The following MEGF11 variants were observed in gnomAD, a reference collection of about 807,000 sequenced individuals.
The protein encoded by MEGF11 is multiple epidermal growth factor-like domains protein 11.
Under a neutral mutation model 146.6 loss-of-function variants are expected in MEGF11, and 126 were observed. That is an observed-to-expected ratio of 0.86 (90% CI 0.74 to 1.00). The LOEUF (loss-of-function observed/expected upper bound fraction) is 1.00. Ranked by LOEUF, MEGF11 falls within the 50% of genes least tolerant of loss-of-function variation. The pLI is 0.00. For synonymous variants in MEGF11, 532 were observed against 583.4 expected (o/e 0.91, Z 1.27); for missense variants, 1,509 against 1,521.2 (o/e 0.99, Z 0.13).
At chr15:65,939,492 CT>C (rs869271515) in intron 10 of MEGF11, among the ~76,000 whole-genome samples, 12,963 of 134,944 alleles carry the variant, frequency 0.096, 388 homozygotes, top group Non-Finnish European at 0.12. Flanking sequence ...CAGCTCCCAA[CT>C]TTTTTTTTTT....
intron 10 of MEGF11, among the ~76,000 whole-genome samples, chr15:65,933,458 A>G (rs1305582750): frequency 6.6e-6 from 1 of 152,210 alleles, no homozygotes; most frequent in Non-Finnish European, 1.5e-5. Context: ...GATGGGGCTC[A>G]GAGAGGCCTC....
At chr15:66,183,576 AAAAG>A (rs1180219762) in intron 1 of MEGF11, among the ~76,000 whole-genome samples, 1 of 152,044 alleles carries the variant, frequency 6.6e-6, no homozygotes, top group African/African-American at 2.4e-5. Context: ...GCCACGAAGC[AAAAG>A]AAAGGCCAAA....
At chr15:65,910,727 T>TA (rs1403904498) in intron 21 of MEGF11, among the ~76,000 whole-genome samples, 5 of 152,190 alleles carry the variant, frequency 3.3e-5, no homozygotes, top group Admixed American at 6.5e-5. Context: ...ACCAGGTCTG[T>TA]AGGCTGATGG....
At chr15:66,197,754 G>A (rs1424380389) in intron 1 of MEGF11, among the ~76,000 whole-genome samples, 1 of 152,082 alleles carries the variant, frequency 6.6e-6, no homozygotes, top group East Asian at 1.9e-4. Flanking sequence ...CATCTATACC[G>A]CCTCCAAAAT....
Position 65,970,577 on chromosome 15 carries a change from C to T in MEGF11, c.875G>A (p.Cys292Tyr). The change falls in exon 8 of 26, where the codon TGT becomes TAT. Residue 292 changes from cysteine (C) to tyrosine (Y), a missense_variant. Cys to Tyr is a radical substitution (Grantham distance 194). Coordinates refer to ENST00000395614, the MANE Select transcript of MEGF11 (RefSeq NM_001385028.1). The part of the protein sequence containing the change: ...QCDHVTGQCH[C>Y]TAGYMGDRCQ... Reference sequence around the variant, plus strand: ...CCTGTCCCCCATGTATCCAGCTGTACAGTGGCACTGTCCAGTCACGTGGTC... The same window carrying T: ...CCTGTCCCCCATGTATCCAGCTGTATAGTGGCACTGTCCAGTCACGTGGTC... 1 of 1,614,024 alleles carries T rather than the reference C, an allele frequency of 6.2e-7. No individual in the cohort carries two copies. The highest frequency in any genetic ancestry group is 2.2e-5 in the East Asian group (1 of 44,884).
chr15:65,978,986 A>G (rs2081544219), intron 7 of MEGF11, among the ~76,000 whole-genome samples: 1 of 151,782 alleles, frequency 6.6e-6, no homozygotes, highest in Non-Finnish European at 1.5e-5. Context: ...TTTTTATGTG[A>G]AATCTTACCT....
intron 1 of MEGF11, among the ~76,000 whole-genome samples, chr15:66,213,254 G>T (rs1002856809): frequency 2.0e-5 from 3 of 152,108 alleles, no homozygotes; most frequent in Non-Finnish European, 4.4e-5. Context: ...AAGCTGAAAA[G>T]GATGCCAGAG....
At chr15:65,987,923 A>C (rs187295545) in intron 5 of MEGF11, among the ~76,000 whole-genome samples, 3 of 149,682 alleles carry the variant, frequency 2.0e-5, no homozygotes, top group African/African-American at 7.4e-5. Context: ...GTTAGCCAGG[A>C]TGGTTTCGAT....
chr15:66,187,428 G>A (rs967627376), intron 1 of MEGF11, among the ~76,000 whole-genome samples: 2 of 152,214 alleles, frequency 1.3e-5, no homozygotes, highest in Non-Finnish European at 2.9e-5. Flanking sequence ...CAGTGGCTGA[G>A]CCCAGGCCTG....
In MEGF11 at chr15:65,931,707, A is replaced by G. The variant is rs747071471; in HGVS notation, c.1288-764T>C. Among the ~76,000 whole-genome samples the G allele has an allele frequency of 2.1e-4, 32 of 152,224 alleles. 1 individual carries two copies. The highest frequency in any genetic ancestry group is 2.2e-4 in the Non-Finnish European group (15 of 68,038). ...TGTCTCCCAATCTTATTTCTCACCC[A>G]TAACCCCATGACACGAGTAGTAATA... On this transcript the variant is annotated intron_variant, in intron 10 of 25. Transcript: ENST00000395614.
At chr15:65,960,507 G>C (rs1172519976) in intron 9 of MEGF11, among the ~76,000 whole-genome samples, 1 of 152,196 alleles carries the variant, frequency 6.6e-6, no homozygotes, top group African/African-American at 2.4e-5. Context: ...TTCTCTTTAG[G>C]TTGCATCTTT....
intron 5 of MEGF11, among the ~76,000 whole-genome samples, chr15:65,998,326 T>C (rs1454828691): frequency 6.6e-6 from 1 of 152,124 alleles, no homozygotes; most frequent in African/African-American, 2.4e-5. Flanking sequence ...GATTTGTTCA[T>C]GACACTGCCC....
intron 1 of MEGF11, among the ~76,000 whole-genome samples, chr15:66,245,092 G>A (rs2092275517): frequency 6.6e-6 from 1 of 152,164 alleles, no homozygotes; most frequent in Non-Finnish European, 1.5e-5. Context: ...AGTGAGGGGA[G>A]GTCACCTGAG....
intron 5 of MEGF11, among the ~76,000 whole-genome samples, chr15:66,010,161 TAA>T (rs11302321): frequency 0.043 from 5,369 of 126,078 alleles, 118 homozygotes; most frequent in Non-Finnish European, 0.056. Flanking sequence ...GCTGATTAGC[TAA>T]AAAAAAAAAA....
chr15:65,901,812 T>C (rs146325818), intron 24 of MEGF11: 120 of 152,276 alleles, frequency 7.9e-4, no homozygotes, highest in African/African-American at 2.8e-3. Context: ...CATTTGAAAC[T>C]TGTTACATCG....
Position 66,096,846 on chromosome 15 carries a change from C to T in MEGF11, c.302-2352G>A, listed in dbSNP as rs189976527. On this transcript the variant is annotated intron_variant, in intron 4 of 25. Transcript: ENST00000395614. ...GGGAACAGCCTTCCGGTGCTCTGAG[C>T]AAGCTCCACACTGCACTGCCTTTTC... 2.5e-3 allele frequency among the ~76,000 whole-genome samples: 378 copies of T among 152,320 alleles called. 1 individual carries two copies. Among genetic ancestry groups the T allele is most frequent in the African/African-American group, 8.8e-3 (366 of 41,566 alleles).
At chr15:65,987,895 C>G (rs28705741) in intron 5 of MEGF11, among the ~76,000 whole-genome samples, 12,419 of 151,600 alleles carry the variant, frequency 0.082, 597 homozygotes, top group African/African-American at 0.11. Context: ...ATTTTTAGTA[C>G]AGATGGGGTT....
At chr15:66,034,319 A>C (rs2083643474) in intron 5 of MEGF11, among the ~76,000 whole-genome samples, 1 of 151,730 alleles carries the variant, frequency 6.6e-6, no homozygotes, top group Admixed American at 6.5e-5. Context: ...AACAGTTAAG[A>C]CTTTGTGGCT....
chr15:65,980,721 T>A, intron 7 of MEGF11, 57 bp downstream of exon 7: 1 of 1,519,290 alleles, frequency 6.6e-7, no homozygotes, highest in South Asian at 1.3e-5. Context: ...AAGGTATGTG[T>A]GAGTGATGAA....
Sources: gnomAD v4.1 joint callset for allele counts (sites outside exome capture counted in the v4.1 genomes callset) on GRCh38, gnomAD v4.1.1 for gene constraint, MANE v1.5 for transcripts, NCBI Gene and HGNC (gene_info 2026-07-23, HGNC 2026-07-21) for gene names.